The following ASTN2 variants were observed in gnomAD, a reference collection of about 807,000 sequenced individuals.
ASTN2 encodes the protein astrotactin-2.
In ASTN2, 54 loss-of-function variants were observed where a neutral mutation model predicts 139.8. That is an observed-to-expected ratio of 0.39 (90% confidence interval 0.31 to 0.48). The LOEUF is 0.48. Ranked by LOEUF, ASTN2 falls within the 20% of genes least tolerant of loss-of-function variation. The pLI, the probability that ASTN2 is intolerant of heterozygous loss-of-function variation, is 0.95. For missense variants in ASTN2, 1,565 were observed against 1,725.1 expected, an observed-to-expected ratio of 0.91 and a Z score of 1.64; for synonymous variants, 756 against 719.5, an observed-to-expected ratio of 1.05 and a Z score of -0.81.
intron 12 of ASTN2, among the ~76,000 whole-genome samples, chr9:116,806,759 G>C (rs1233820349): frequency 6.6e-6 from 1 of 151,990 alleles, no homozygotes; most frequent in African/African-American, 2.4e-5. Flanking sequence ...TAATTCAGTA[G>C]GATGCTATAA....
chr9:116,706,700 C>A (rs922713343), intron 16 of ASTN2, among the ~76,000 whole-genome samples: 1 of 151,706 alleles, frequency 6.6e-6, no homozygotes, highest in African/African-American at 2.4e-5. Flanking sequence ...AGGAGATGAC[C>A]ACTACCACTG....
chr9:116,978,339 G>T (rs981615773), intron 7 of ASTN2, among the ~76,000 whole-genome samples: 1 of 152,192 alleles, frequency 6.6e-6, no homozygotes, highest in African/African-American at 2.4e-5. Context: ...AACAATGTGA[G>T]TTGAATGAAT....
intron 20 of ASTN2, among the ~76,000 whole-genome samples, chr9:116,445,118 C>T (rs1380114604): frequency 6.6e-6 from 1 of 152,062 alleles, no homozygotes; most frequent in Non-Finnish European, 1.5e-5. Context: ...TAAATGACAA[C>T]AAGTCATTTA....
chr9:117,106,446 C>G (rs1564428252), intron 4 of ASTN2, among the ~76,000 whole-genome samples: 1 of 151,920 alleles, frequency 6.6e-6, no homozygotes, highest in African/African-American at 2.4e-5. Context: ...ATATCCACCC[C>G]CCTCAGCCTC....
intron 15 of ASTN2, among the ~76,000 whole-genome samples, chr9:116,726,521 T>C (rs954425932): frequency 3.9e-5 from 6 of 152,214 alleles, no homozygotes. Flanking sequence ...GAACTGCCCA[T>C]GGCTGGAATC....
intron 2 of ASTN2, among the ~76,000 whole-genome samples, chr9:117,280,024 C>G (rs1834288220): frequency 6.6e-6 from 1 of 152,146 alleles, no homozygotes; most frequent in African/African-American, 2.4e-5. Flanking sequence ...ATTTAGTTGT[C>G]ATATCTCCCT....
intron 2 of ASTN2, among the ~76,000 whole-genome samples, chr9:117,285,417 C>T (rs893123631): frequency 1.3e-5 from 2 of 149,438 alleles, no homozygotes; most frequent in East Asian, 2.0e-4. Context: ...AATGAAAAAA[C>T]GTCACGGTTG....
At chr9:117,382,223 G>A (rs1307432824) in intron 1 of ASTN2, among the ~76,000 whole-genome samples, 1 of 152,150 alleles carries the variant, frequency 6.6e-6, no homozygotes, top group African/African-American at 2.4e-5. Flanking sequence ...GAGGTCAAGA[G>A]TGGGTGATGG....
intron 19 of ASTN2, among the ~76,000 whole-genome samples, chr9:116,603,363 T>A (rs140667242): frequency 6.6e-5 from 10 of 152,306 alleles, no homozygotes; most frequent in Middle Eastern, 3.4e-3. Flanking sequence ...TTAGAACTGA[T>A]GGCTTTTTAT....
chr9:117,146,833 T>C (rs375156465), intron 3 of ASTN2, among the ~76,000 whole-genome samples: 3 of 152,176 alleles, frequency 2.0e-5, no homozygotes, highest in African/African-American at 7.2e-5. Flanking sequence ...TAGTGTTCTA[T>C]AGTGCTGTAG....
chr9:116,923,064 C>T (rs531237875), intron 10 of ASTN2, among the ~76,000 whole-genome samples: 5 of 152,156 alleles, frequency 3.3e-5, no homozygotes, highest in African/African-American at 4.8e-5. Context: ...TTCAACAATG[C>T]CACTTTACAA....
At chr9:116,737,963 C>T (rs1016959903) in intron 13 of ASTN2, among the ~76,000 whole-genome samples, 6 of 151,758 alleles carry the variant, frequency 4.0e-5, no homozygotes, top group African/African-American at 9.7e-5. Context: ...GAGGCCGAGG[C>T]GGGCGGATCA....
intron 17 of ASTN2, among the ~76,000 whole-genome samples, chr9:116,631,891 G>A (rs1484068157): frequency 2.6e-5 from 4 of 151,918 alleles, no homozygotes; most frequent in South Asian, 2.1e-4. Flanking sequence ...CGAGGCAGGC[G>A]GATCACAAGG....
chr9:116,969,416 G>A (rs922227792), intron 10 of ASTN2, among the ~76,000 whole-genome samples: 1 of 152,184 alleles, frequency 6.6e-6, no homozygotes, highest in African/African-American at 2.4e-5. Flanking sequence ...CTAAGGATGT[G>A]TGATTATTGC....
At chr9:117,023,330 G>C (rs1837948413) in intron 6 of ASTN2, among the ~76,000 whole-genome samples, 2 of 152,086 alleles carry the variant, frequency 1.3e-5, no homozygotes, top group Non-Finnish European at 2.9e-5. Flanking sequence ...GTTCCACCTT[G>C]TTCAAGTCAC....
intron 20 of ASTN2, among the ~76,000 whole-genome samples, chr9:116,483,288 C>T (rs749360739): frequency 2.6e-5 from 4 of 152,206 alleles, no homozygotes; most frequent in Non-Finnish European, 5.9e-5. Flanking sequence ...AAACAGGGCA[C>T]GGGTGCTGAT....
chr9:117,375,062 C>T (rs1830086944), intron 1 of ASTN2, among the ~76,000 whole-genome samples: 1 of 152,172 alleles, frequency 6.6e-6, no homozygotes. Context: ...TTAGTTAGTA[C>T]TAGATCAAAT....
intron 1 of ASTN2, among the ~76,000 whole-genome samples, chr9:117,364,597 A>G (rs1829782775): frequency 6.6e-6 from 1 of 152,118 alleles, no homozygotes; most frequent in Non-Finnish European, 1.5e-5. Flanking sequence ...CGGGGTTTAA[A>G]ATGAAGTTGT....
At chr9:116,916,446 G>A (rs1475585807) in intron 10 of ASTN2, among the ~76,000 whole-genome samples, 1 of 152,160 alleles carries the variant, frequency 6.6e-6, no homozygotes, top group Non-Finnish European at 1.5e-5. Flanking sequence ...TAAACAGCTT[G>A]CCCAAGATCA....
Sources: allele counts gnomAD v4.1 joint callset (sites outside exome capture counted in the v4.1 genomes callset), GRCh38; gene constraint gnomAD v4.1.1; transcripts MANE v1.5; gene names NCBI Gene and HGNC (gene_info 2026-07-23, HGNC 2026-07-21).